The following THSD4 variants were observed in gnomAD, a reference collection of about 807,000 sequenced individuals.
THSD4 encodes the protein thrombospondin type 1 domain containing 4.
Under a neutral mutation model 119.0 loss-of-function variants are expected in THSD4, and 69 were observed. That is an observed-to-expected ratio of 0.58 (90% CI 0.48 to 0.71). The LOEUF (loss-of-function observed/expected upper bound fraction) is 0.71, where lower values mean the gene tolerates loss of function less well. THSD4 is among the 30% of genes least tolerant of loss of function. The probability of loss-of-function intolerance (pLI) is 0.00; values close to 1 mark genes in which losing one functional copy is unlikely to be tolerated. For missense variants in THSD4, 1,393 were observed against 1,391.1 expected (o/e 1.00, Z -0.02); for synonymous variants, 524 against 540.4 (o/e 0.97, Z 0.42).
At chr15:71,750,603 C>G (rs2053430009) in intron 14 of THSD4, among the ~76,000 whole-genome samples, 1 of 152,222 alleles carries the variant, frequency 6.6e-6, no homozygotes, top group African/African-American at 2.4e-5. Context: ...GGCCCCTGCC[C>G]CTTAGGCCCA....
intron 7 of THSD4, among the ~76,000 whole-genome samples, chr15:71,479,658 T>A (rs1437444040): frequency 1.3e-5 from 2 of 152,216 alleles, no homozygotes; most frequent in African/African-American, 4.8e-5. Flanking sequence ...TGGTTTAAAT[T>A]TTGAAGCATA....
intron 6 of THSD4, chr15:71,342,269 T>G (rs1240982665): frequency 5.7e-6 from 1 of 176,048 alleles, no homozygotes; most frequent in Admixed American, 5.4e-5. Context: ...CAGAGAGAGT[T>G]TGTGTTACAG....
intron 7 of THSD4, among the ~76,000 whole-genome samples, chr15:71,556,762 C>T (rs1371164601): frequency 1.2e-5 from 1 of 86,564 alleles, no homozygotes. Flanking sequence ...AAGACCCTGT[C>T]TTAAAAAAAA....
intron 6 of THSD4, among the ~76,000 whole-genome samples, chr15:71,381,376 C>T (rs1245168727): frequency 6.6e-6 from 1 of 152,136 alleles, no homozygotes; most frequent in African/African-American, 2.4e-5. Flanking sequence ...TTAGTATTGG[C>T]TGACTTAATA....
chr15:71,365,632 A>G (rs897968273), intron 6 of THSD4, among the ~76,000 whole-genome samples: 1 of 152,144 alleles, frequency 6.6e-6, no homozygotes, highest in Non-Finnish European at 1.5e-5. Flanking sequence ...ATGGTATGAT[A>G]GCATGCTGAA....
intron 4 of THSD4, among the ~76,000 whole-genome samples, chr15:71,236,192 A>G (rs2044104260): frequency 6.6e-6 from 1 of 152,140 alleles, no homozygotes; most frequent in Admixed American, 6.5e-5. Context: ...AAACACGGAG[A>G]GCCTAAGAAA....
intron 7 of THSD4, among the ~76,000 whole-genome samples, chr15:71,529,957 C>A (rs1011090369): frequency 2.0e-5 from 3 of 152,256 alleles, no homozygotes; most frequent in East Asian, 1.9e-4. Flanking sequence ...TGAATTATCA[C>A]ATTGGAGACT....
intron 7 of THSD4, among the ~76,000 whole-genome samples, chr15:71,436,033 G>A (rs764797552): frequency 2.6e-5 from 4 of 152,158 alleles, no homozygotes; most frequent in Non-Finnish European, 5.9e-5. Flanking sequence ...AGAGACCAAG[G>A]GAGAATGCTC....
chr15:71,570,961 G>A (rs1010302652), intron 7 of THSD4, among the ~76,000 whole-genome samples: 1 of 152,116 alleles, frequency 6.6e-6, no homozygotes, highest in East Asian at 1.9e-4. Flanking sequence ...ACGTGGCTGC[G>A]CCTCTGTGGA....
chr15:71,562,001 A>G (rs1475361284), intron 7 of THSD4, among the ~76,000 whole-genome samples: 2 of 152,146 alleles, frequency 1.3e-5, no homozygotes, highest in Non-Finnish European at 2.9e-5. Flanking sequence ...ATCATTATTT[A>G]ATAAGGAACC....
At chr15:71,283,577 C>A (rs1344467608) in intron 6 of THSD4, among the ~76,000 whole-genome samples, 1 of 152,150 alleles carries the variant, frequency 6.6e-6, no homozygotes, top group Non-Finnish European at 1.5e-5. Flanking sequence ...ATGTGGCAGG[C>A]AGTGTGCTGG....
At chr15:71,452,144 C>T (rs1448633784) in intron 7 of THSD4, among the ~76,000 whole-genome samples, 15 of 152,194 alleles carry the variant, frequency 9.9e-5, no homozygotes. Context: ...CTAACCACCT[C>T]CTGTAGCCAC....
intron 6 of THSD4, among the ~76,000 whole-genome samples, chr15:71,363,437 G>A (rs755756750): frequency 4.6e-5 from 7 of 152,222 alleles, no homozygotes; most frequent in South Asian, 4.2e-4. Flanking sequence ...ATGTGTGTAC[G>A]CGTGTGTGTG....
chr15:71,708,382 G>T (rs532072999), intron 8 of THSD4, among the ~76,000 whole-genome samples: 1 of 152,304 alleles, frequency 6.6e-6, no homozygotes, highest in South Asian at 2.1e-4. Context: ...GCCTGGCCAA[G>T]GGCTATCGGC....
intron 7 of THSD4, among the ~76,000 whole-genome samples, chr15:71,552,261 G>A (rs2048943720): frequency 6.6e-6 from 1 of 152,160 alleles, no homozygotes; most frequent in African/African-American, 2.4e-5. Flanking sequence ...TAGATCTACA[G>A]TCTTAAGATT....
intron 7 of THSD4, among the ~76,000 whole-genome samples, chr15:71,414,953 C>T (rs76330344): frequency 0.016 from 2,435 of 152,294 alleles, 28 homozygotes; most frequent in Non-Finnish European, 0.025. Context: ...ACATTTGCTT[C>T]CCAGGCTGAA....
intron 6 of THSD4, among the ~76,000 whole-genome samples, chr15:71,352,781 G>A (rs12899618): frequency 0.14 from 21,451 of 152,190 alleles, 1,556 homozygotes; most frequent in South Asian, 0.2. Context: ...GAGCCCTGAT[G>A]AAAGAAAAAT....
At chr15:71,692,805 T>C (rs1228000235) in intron 8 of THSD4, among the ~76,000 whole-genome samples, 3 of 152,226 alleles carry the variant, frequency 2.0e-5, no homozygotes, top group East Asian at 3.8e-4. Flanking sequence ...AAGGGACTCA[T>C]GTTCCAGGGA....
intron 8 of THSD4, among the ~76,000 whole-genome samples, chr15:71,726,142 T>C (rs1198090189): frequency 6.6e-6 from 1 of 152,216 alleles, no homozygotes; most frequent in Non-Finnish European, 1.5e-5. Context: ...TCTTCCTCAG[T>C]TTCCACCCTT....
Sources: gnomAD v4.1 joint callset for allele counts (sites outside exome capture counted in the v4.1 genomes callset) on GRCh38, gnomAD v4.1.1 for gene constraint, MANE v1.5 for transcripts, NCBI Gene and HGNC (gene_info 2026-07-23, HGNC 2026-07-21) for gene names.